The following ADGRL3 variants were observed in gnomAD, a reference collection of about 807,000 sequenced individuals.
The protein encoded by ADGRL3 is adhesion G protein-coupled receptor L3, also known as calcium-independent alpha-latrotoxin receptor 3.
ADGRL3 carries 62 observed loss-of-function variants against 153.5 expected under a neutral mutation model. The ratio of observed to expected loss-of-function variants is 0.40; its 90% CI spans 0.33 to 0.50. The LOEUF is 0.50. Ranked by LOEUF, ADGRL3 falls within the 20% of genes least tolerant of loss-of-function variation. ADGRL3 has a pLI of 0.47. For missense variants in ADGRL3, 1,641 were observed against 1,859.4 expected, an observed-to-expected ratio of 0.88 and a Z score of 2.16; for synonymous variants, 710 against 672.5, an observed-to-expected ratio of 1.06 and a Z score of -0.86.
At chr4:61,220,492 G>A (rs1231708337) in intron 1 of ADGRL3, among the ~76,000 whole-genome samples, 1 of 152,118 alleles carries the variant, frequency 6.6e-6, no homozygotes, top group African/African-American at 2.4e-5. Context: ...TAGAAAGATG[G>A]TGAGAATTAA....
At position 61,895,777 on chromosome 4, in the gene ADGRL3, C is replaced by T. The variant is rs1460702405; in HGVS notation, c.1830C>T (p.Pro610=). 10 of 1,601,102 alleles carry T rather than the reference C, an allele frequency of 6.2e-6. No individual in the cohort carries two copies. In the African/African-American group the frequency reaches 1.3e-4, roughly 22 times the overall value. The part of the protein sequence containing the change: ...LCLAPDGIWD[P]QGPDLSNCSS... ...TTGCTCCTGATGGAATTTGGGATCC[C>T]CAAGGTCCAGATCTCAGCAACTGTT... Residue 610 remains proline (P), a synonymous_variant, in exon 11 of 27, where the codon CCC becomes CCT. Transcript: ENST00000683033.
intron 19 of ADGRL3, among the ~76,000 whole-genome samples, chr4:61,993,127 A>T (rs1441254890): frequency 6.7e-6 from 1 of 148,580 alleles, no homozygotes; most frequent in Non-Finnish European, 1.5e-5. Context: ...CTATTATATC[A>T]TGTTGCTATA....
chr4:61,391,008 G>A (rs543798685), intron 2 of ADGRL3, among the ~76,000 whole-genome samples: 1 of 152,086 alleles, frequency 6.6e-6, no homozygotes, highest in African/African-American at 2.4e-5. Context: ...ATATTTTATT[G>A]TATAGATGTA....
intron 1 of ADGRL3, among the ~76,000 whole-genome samples, chr4:61,358,312 A>G (rs1194760512): frequency 6.6e-6 from 1 of 152,122 alleles, no homozygotes; most frequent in African/African-American, 2.4e-5. Context: ...AAAGCAGACC[A>G]TTGGGCCGGG....
At chr4:62,021,970 A>G (rs896458570) in intron 21 of ADGRL3, among the ~76,000 whole-genome samples, 1 of 152,204 alleles carries the variant, frequency 6.6e-6, no homozygotes, top group Admixed American at 6.5e-5. Context: ...AGTGAAAGAA[A>G]GTGTCTCTCA....
At chr4:61,358,723 A>G (rs2096235114) in intron 1 of ADGRL3, among the ~76,000 whole-genome samples, 1 of 151,486 alleles carries the variant, frequency 6.6e-6, no homozygotes, top group Non-Finnish European at 1.5e-5. Context: ...TTCTTCAATG[A>G]TTTCTCATGA....
chr4:61,985,784 A>G (rs1342672773), intron 19 of ADGRL3, among the ~76,000 whole-genome samples: 1 of 152,164 alleles, frequency 6.6e-6, no homozygotes, highest in African/African-American at 2.4e-5. Flanking sequence ...GACAGGCTAT[A>G]TAAAACCATT....
chr4:61,539,623 A>G (rs1047072828), intron 4 of ADGRL3, among the ~76,000 whole-genome samples: 1 of 152,136 alleles, frequency 6.6e-6, no homozygotes, highest in Non-Finnish European at 1.5e-5. Flanking sequence ...CGTGGTGTGC[A>G]TCGTCTCAGT....
chr4:61,892,836 C>T lies in ADGRL3; in HGVS notation c.1661C>T (p.Ser554Leu). 1.9e-6 allele frequency: 3 copies of T among 1,613,734 alleles called. No homozygotes were observed. The highest frequency in any genetic ancestry group is 2.5e-6 in the Non-Finnish European group (3 of 1,179,796). The change falls in exon 10 of 27, where the codon TCA (serine) becomes TTA (leucine). Residue 554 changes from serine (S) to leucine (L), a missense_variant. Coordinates refer to ENST00000683033, the MANE Select transcript of ADGRL3 (RefSeq NM_001387552.1). ...VLDDMTTHLP[S>L]ASSQIPALEE... ...GATGACATGACCACACACCTTCCAT[C>T]AGCATCGTCCCAAATCCCAGCTCTC...
chr4:61,552,216 ACT>A (rs1366098641), intron 4 of ADGRL3, among the ~76,000 whole-genome samples: 1 of 152,160 alleles, frequency 6.6e-6, no homozygotes, highest in African/African-American at 2.4e-5. Context: ...TTGAGCACCT[ACT>A]ATAACATCAG....
chr4:61,622,076 A>C (rs1410975229), intron 5 of ADGRL3, among the ~76,000 whole-genome samples: 1 of 152,170 alleles, frequency 6.6e-6, no homozygotes, highest in East Asian at 1.9e-4. Flanking sequence ...AATTTACAGA[A>C]CCAAGTTAGA....
At chr4:62,069,600 G>A (rs952763720) in intron 26 of ADGRL3, among the ~76,000 whole-genome samples, 1 of 151,904 alleles carries the variant, frequency 6.6e-6, no homozygotes, top group African/African-American at 2.4e-5. Flanking sequence ...ATTAGACACT[G>A]CTTGTTGCTT....
chr4:61,962,757 C>CT (rs1018025322), intron 17 of ADGRL3, among the ~76,000 whole-genome samples: 1 of 152,074 alleles, frequency 6.6e-6, no homozygotes, highest in Non-Finnish European at 1.5e-5. Context: ...AAACATTGAA[C>CT]TTTTTGTAAT....
At chr4:61,204,781 G>T (rs938627197) in intron 1 of ADGRL3, among the ~76,000 whole-genome samples, 20 of 152,170 alleles carry the variant, frequency 1.3e-4, no homozygotes, top group African/African-American at 4.6e-4. Flanking sequence ...GGCTGCATCA[G>T]GCATCCCCGG....
chr4:61,584,358 A>T (rs1364213237), intron 4 of ADGRL3, among the ~76,000 whole-genome samples: 2 of 151,994 alleles, frequency 1.3e-5, no homozygotes, highest in Non-Finnish European at 1.5e-5. Flanking sequence ...AATCATTCTT[A>T]CAAGTCCAAA....
intron 12 of ADGRL3, 127 bp downstream of exon 12, chr4:61,909,872 T>G: frequency 3.4e-6 from 2 of 587,368 alleles, no homozygotes; most frequent in Non-Finnish European, 5.6e-6. Flanking sequence ...ATATGATCAT[T>G]ATAAAGAGAA....
chr4:61,303,946 G>T (rs2094675672), intron 1 of ADGRL3, among the ~76,000 whole-genome samples: 1 of 152,166 alleles, frequency 6.6e-6, no homozygotes, highest in Non-Finnish European at 1.5e-5. Flanking sequence ...CAGAATCTCT[G>T]TCCTATTCAC....
At chr4:61,844,059 T>A (rs2098076342) in intron 9 of ADGRL3, among the ~76,000 whole-genome samples, 1 of 151,156 alleles carries the variant, frequency 6.6e-6, no homozygotes, top group Non-Finnish European at 1.5e-5. Context: ...TATATCAACG[T>A]CACATTCACA....
intron 8 of ADGRL3, among the ~76,000 whole-genome samples, chr4:61,738,149 G>A (rs1452017484): frequency 6.6e-6 from 1 of 151,940 alleles, no homozygotes; most frequent in African/African-American, 2.4e-5. Flanking sequence ...TCATAGCTTA[G>A]CTCCCACTTG....
Sources: allele counts gnomAD v4.1 joint callset (sites outside exome capture counted in the v4.1 genomes callset), GRCh38; gene constraint gnomAD v4.1.1; transcripts MANE v1.5; gene names NCBI Gene and HGNC (gene_info 2026-07-23, HGNC 2026-07-21).